The following DLST variants were observed in gnomAD, a reference collection of about 807,000 sequenced individuals.
The protein encoded by DLST is dihydrolipoyllysine-residue succinyltransferase component of 2-oxoglutarate dehydrogenase complex, mitochondrial.
In DLST, 17 loss-of-function variants were observed where a neutral mutation model predicts 53.1. The ratio of observed to expected loss-of-function variants is 0.32; its 90% CI spans 0.22 to 0.48. DLST has a LOEUF of 0.48. DLST is among the 20% of genes least tolerant of loss of function. The pLI is 0.99. For synonymous variants in DLST, 206 were observed against 204.8 expected, an observed-to-expected ratio of 1.01 and a Z score of -0.05; for missense variants, 512 against 583.9, an observed-to-expected ratio of 0.88 and a Z score of 1.27.
intron 1 of DLST, 22 bp from the exon 2 acceptor site, chr14:74,882,569 A>G: frequency 6.2e-7 from 1 of 1,613,454 alleles, no homozygotes; most frequent in Non-Finnish European, 8.5e-7. Flanking sequence ...GGTGACGTCG[A>G]TAATGTCTTC....
intron 13 of DLST, 54 bp downstream of exon 13, chr14:74,900,426 CAGAAGGCTGGGCTCACTAGCA>C: frequency 6.5e-7 from 1 of 1,538,932 alleles, no homozygotes; most frequent in Admixed American, 1.7e-5. Flanking sequence ...AGAGAGCCTT[CAGAAGGCTGGGCTCACTAGCA>C]AGCAGTGCTC....
chr14:74,885,943 G>A lies in DLST; in HGVS notation c.146+309G>A, dbSNP rs572422273. The A allele has an allele frequency of 1.1e-5, 3 of 267,478 alleles. No individual in the cohort carries two copies. The South Asian group carries it at 2.7e-4, about 24-fold the overall frequency. The allele number at this position is 267,478 out of a possible 1,614,324, so 16.6% of individuals were successfully genotyped here. On this transcript the variant is annotated intron_variant, in intron 3 of 14. Coordinates refer to ENST00000334220, the MANE Select transcript of DLST (RefSeq NM_001933.5). ...GTGCTCCTAGATATTCTGTTTGGAT[G>A]TAAGTGCAGCTGAAAGGCTCGAGGT...
At chr14:74,887,165 A>G in intron 3 of DLST, among the ~76,000 whole-genome samples, 1 of 151,926 alleles carries the variant, frequency 6.6e-6, no homozygotes, top group Admixed American at 6.6e-5. Flanking sequence ...AATGGCAAAG[A>G]GCAAGGGATT....
At chr14:74,886,619 A>G (rs189509206) in intron 3 of DLST, among the ~76,000 whole-genome samples, 2 of 152,264 alleles carry the variant, frequency 1.3e-5, no homozygotes, top group Admixed American at 6.5e-5. Flanking sequence ...GGCGTGAGCT[A>G]TGGTGCCTGG....
Position 74,894,378 on chromosome 14 carries a change from A to G in DLST, c.739A>G (p.Met247Val). The G allele has an allele frequency of 3.1e-6, 5 of 1,614,142 alleles. No individual in the cohort carries two copies. Among genetic ancestry groups the G allele is most frequent in the Admixed American group, 1.7e-5 (1 of 60,020 alleles). The change falls in exon 10 of 15, where the codon ATG becomes GTG. Residue 247 changes from methionine (M) to valine (V), a missense_variant. Transcript: ENST00000334220. ...RLKEAQNTCA[M>V]LTTFNEIDMS... ...GAAGGAGGCCCAGAATACATGTGCA[A>G]TGCTGACAACTTTTAATGAGATTGA...
chr14:74,893,699 CT>C (rs1448429437), intron 9 of DLST, among the ~76,000 whole-genome samples: 2 of 152,152 alleles, frequency 1.3e-5, no homozygotes, highest in African/African-American at 4.8e-5. Context: ...GGGGTGGTAG[CT>C]TAGTAACTCA....
At chr14:74,882,790 C>G (rs1594870076) in intron 2 of DLST, among the ~76,000 whole-genome samples, 166 bp downstream of exon 2, 1 of 152,318 alleles carries the variant, frequency 6.6e-6, no homozygotes, top group Admixed American at 6.5e-5. Context: ...ATTCATTTAG[C>G]TCGTAGTTGA....
rs758188334 is a variant in DLST at position 74,900,303 on chromosome 14, A to G, written c.990A>G (p.Pro330=). Residue 330 remains proline, a synonymous_variant, in exon 13 of 15, where the codon CCA becomes CCG. Transcript: ENST00000334220. ...AVATPRGLVV[P]VIRNVEAMNF... is the part of the protein sequence containing the mutation. ...ACCCCCTTCAGGGTCTGGTGGTTCC[A>G]GTCATCAGGAATGTGGAAGCTATGA... is the stretch of plus-strand genomic sequence containing the variant. The G allele has an allele frequency of 1.2e-6, 2 of 1,614,028 alleles. No individual in the cohort carries two copies. Among genetic ancestry groups the G allele is most frequent in the Non-Finnish European group, 1.7e-6 (2 of 1,179,928 alleles).
At position 74,885,566 on chromosome 14, in the gene DLST, A is replaced by G. The variant is rs757983422; in HGVS notation, c.98-20A>G. 1 of 1,613,772 alleles carries G rather than the reference A, an allele frequency of 6.2e-7. No homozygotes were observed. The highest frequency in any genetic ancestry group is 8.5e-7 in the Non-Finnish European group (1 of 1,179,760). On this transcript the variant is annotated intron_variant, in intron 2 of 14. Transcript: ENST00000334220. ...TGTGAGATAAGAGTTGTTGGTTAAG[A>G]GTTATTTTGTTTCTTGCAGGGGTCT...
rs555372886 is a variant in DLST at position 74,892,974 on chromosome 14, T to C, written c.583T>C (p.Ser195Pro). 19 of 1,611,404 alleles carry C rather than the reference T, an allele frequency of 1.2e-5. No individual in the cohort carries two copies. In the East Asian group the frequency reaches 3.1e-4, roughly 26 times the overall value. The change falls in exon 8 of 15, where the codon TCT becomes CCT. Residue 195 changes from serine (S) to proline (P), a missense_variant. Ser to Pro is a moderately conservative substitution (Grantham distance 74). This residue lies in a region of DLST where 162 missense variants were observed against 162.0 expected (regional missense o/e 1.00). Transcript: ENST00000334220. ...PPVPSPSQPP[S>P]GKPVSAVKPT... Reference sequence around the variant, plus strand: ...GGTGCCCTCGCCCTCACAGCCTCCTTCTGGCAAACCTGGTAGGCTTCCAAC... The same window carrying C: ...GGTGCCCTCGCCCTCACAGCCTCCTCCTGGCAAACCTGGTAGGCTTCCAAC...
chr14:74,886,029 C>G (rs1024504960), intron 3 of DLST: 1 of 170,084 alleles, frequency 5.9e-6, no homozygotes, highest in African/African-American at 2.4e-5. Flanking sequence ...TTTTTAAAAA[C>G]AGTAAAAGCA....
chr14:74,886,700 G>A (rs534786724), intron 3 of DLST, among the ~76,000 whole-genome samples: 1 of 152,038 alleles, frequency 6.6e-6, no homozygotes, highest in East Asian at 1.9e-4. Flanking sequence ...TATTTTGGAG[G>A]GCAGTTTGAT....
intron 3 of DLST, 123 bp from the exon 4 acceptor site, chr14:74,888,972 C>A: frequency 1.1e-6 from 1 of 950,736 alleles, no homozygotes; most frequent in Non-Finnish European, 1.7e-6. Flanking sequence ...CCCCAAGTGA[C>A]ACTGATGGAC....
intron 12 of DLST, 98 bp downstream of exon 12, chr14:74,900,094 T>A (rs1473135661): frequency 9.1e-6 from 11 of 1,206,416 alleles, no homozygotes; most frequent in Non-Finnish European, 1.3e-5. Flanking sequence ...TAATTCTGTA[T>A]TTTTAGAAGG....
intron 10 of DLST, among the ~76,000 whole-genome samples, chr14:74,895,185 C>G (rs146140269): frequency 7.9e-5 from 12 of 152,148 alleles, no homozygotes; most frequent in Non-Finnish European, 1.3e-4. Flanking sequence ...GATTCAGAAT[C>G]GAGTGGATGA....
intron 1 of DLST, 145 bp from the exon 2 acceptor site, chr14:74,882,446 C>T: frequency 1.3e-6 from 1 of 741,576 alleles, no homozygotes. Context: ...ATTGGGTCTG[C>T]CAGCACGGTG....
At chr14:74,898,603 G>T (rs148029977) in intron 11 of DLST, 104 bp downstream of exon 11, 77 of 1,357,140 alleles carry the variant, frequency 5.7e-5, no homozygotes, top group Non-Finnish European at 7.4e-5. Flanking sequence ...CTTTTTATTT[G>T]CTACCTATAG....
intron 10 of DLST, 42 bp downstream of exon 10, chr14:74,894,451 T>G (rs371948690): frequency 7.5e-6 from 12 of 1,597,510 alleles, no homozygotes; most frequent in Non-Finnish European, 1.0e-5. Context: ...CCCCTTTTTC[T>G]TAGAGAACAC....
intron 13 of DLST, among the ~76,000 whole-genome samples, chr14:74,900,575 G>T (rs117383732): frequency 3.4e-4 from 52 of 152,296 alleles, no homozygotes; most frequent in East Asian, 3.8e-4. Context: ...GATGAGACCT[G>T]CTAGAAAAGA....
Sources: allele counts gnomAD v4.1 joint callset (sites outside exome capture counted in the v4.1 genomes callset), GRCh38; gene constraint gnomAD v4.1.1; regional missense constraint gnomAD v4.1.1; transcripts MANE v1.5; gene names NCBI Gene and HGNC (gene_info 2026-07-23, HGNC 2026-07-21).